CLSTN2: variants seen among roughly 807,000 people sequenced by gnomAD.
CLSTN2 encodes the protein calsyntenin-2.
CLSTN2 carries 48 observed loss-of-function variants against 101.2 expected under a neutral mutation model. The observed-to-expected ratio is 0.47, with a 90% CI of 0.38 to 0.60. The LOEUF is 0.60. Ranked by LOEUF, CLSTN2 falls within the 20% of genes least tolerant of loss-of-function variation. The probability of loss-of-function intolerance (pLI) is 0.00; values close to 1 mark genes in which losing one functional copy is unlikely to be tolerated. For missense variants in CLSTN2, 1,160 were observed against 1,238.2 expected (o/e 0.94, Z 0.95); for synonymous variants, 481 against 463.6 (o/e 1.04, Z -0.48).
At chr3:140,154,148 A>G (rs1054312154) in intron 1 of CLSTN2, among the ~76,000 whole-genome samples, 1 of 152,124 alleles carries the variant, frequency 6.6e-6, no homozygotes, top group Non-Finnish European at 1.5e-5. Flanking sequence ...TTTTGAGAGG[A>G]TCAGTTGTGG....
At chr3:140,530,078 G>A (rs952403432) in intron 8 of CLSTN2, among the ~76,000 whole-genome samples, 1 of 152,026 alleles carries the variant, frequency 6.6e-6, no homozygotes, top group African/African-American at 2.4e-5. Context: ...CCATTTCCAG[G>A]AATCTTTCCT....
chr3:140,473,878 C>T (rs1041137405), intron 8 of CLSTN2, among the ~76,000 whole-genome samples: 5 of 152,128 alleles, frequency 3.3e-5, no homozygotes, highest in African/African-American at 1.2e-4. Flanking sequence ...CTGCCTCAGC[C>T]TCCTGAGTAG....
At chr3:140,090,266 T>C (rs1490936076) in intron 1 of CLSTN2, among the ~76,000 whole-genome samples, 7 of 151,972 alleles carry the variant, frequency 4.6e-5, no homozygotes, top group Non-Finnish European at 8.8e-5. Flanking sequence ...TTGTGGTTTA[T>C]GGTCATGCTG....
At chr3:139,974,597 C>T (rs1224548258) in intron 1 of CLSTN2, among the ~76,000 whole-genome samples, 7 of 152,154 alleles carry the variant, frequency 4.6e-5, no homozygotes, top group Non-Finnish European at 5.9e-5. Context: ...TGTTTTACAG[C>T]ATATGTTGCA....
chr3:140,527,415 A>C (rs950409791), intron 8 of CLSTN2, among the ~76,000 whole-genome samples: 3 of 152,206 alleles, frequency 2.0e-5, no homozygotes, highest in African/African-American at 4.8e-5. Context: ...AATTATTAAA[A>C]AATCAAAAAT....
chr3:140,252,840 A>G (rs1276800000), intron 2 of CLSTN2, among the ~76,000 whole-genome samples: 1 of 152,044 alleles, frequency 6.6e-6, no homozygotes, highest in East Asian at 1.9e-4. Context: ...GGATAGGTGG[A>G]GCAGCTGAGA....
At chr3:140,519,247 A>T (rs1417247898) in intron 8 of CLSTN2, among the ~76,000 whole-genome samples, 4 of 152,222 alleles carry the variant, frequency 2.6e-5, no homozygotes, top group Non-Finnish European at 5.9e-5. Flanking sequence ...TTTCACTTCG[A>T]TTATGTGATC....
intron 5 of CLSTN2, among the ~76,000 whole-genome samples, chr3:140,432,458 C>T (rs893727444): frequency 2.0e-5 from 3 of 152,156 alleles, no homozygotes; most frequent in South Asian, 2.1e-4. Context: ...ACTGCAGCAG[C>T]GTGACCCCAG....
chr3:140,234,416 A>G (rs540491947), intron 2 of CLSTN2, among the ~76,000 whole-genome samples: 1 of 152,230 alleles, frequency 6.6e-6, no homozygotes, highest in African/African-American at 2.4e-5. Flanking sequence ...GAACTGGAAC[A>G]AAATAAAAAA....
rs956497741 is a variant in CLSTN2, at chr3:140,532,621, G to A, written c.1507+135G>A. The A allele has an allele frequency of 5.0e-6, 3 of 603,410 alleles. No homozygotes were observed. In the African/African-American group the frequency reaches 5.5e-5, roughly 11 times the overall value. The allele number at this position is 603,410 out of a possible 1,614,324, so 37.4% of individuals were successfully genotyped here. A position where few individuals can be genotyped will look rare whatever the true frequency, so the allele number is the denominator to read the frequency against. Reference sequence around the variant, plus strand: ...CTACCCCTTACAAAAAAAAATTCAAGACATATAAAAATAAGTATAAATCTA... The same window carrying A: ...CTACCCCTTACAAAAAAAAATTCAAAACATATAAAAATAAGTATAAATCTA... On this transcript the variant is annotated intron_variant, in intron 9 of 16. Transcript: ENST00000458420.
chr3:140,311,140 C>T (rs1576510141), intron 2 of CLSTN2, among the ~76,000 whole-genome samples: 2 of 151,828 alleles, frequency 1.3e-5, no homozygotes, highest in East Asian at 1.9e-4. Context: ...TAGTAAGAGG[C>T]TACTTACTGA....
At chr3:140,510,156 A>C (rs189273818) in intron 8 of CLSTN2, among the ~76,000 whole-genome samples, 8 of 152,226 alleles carry the variant, frequency 5.3e-5, no homozygotes, top group Non-Finnish European at 1.2e-4. Context: ...CAATGGTTAT[A>C]TTAGTACTCA....
intron 1 of CLSTN2, among the ~76,000 whole-genome samples, chr3:139,950,130 A>T (rs768108472): frequency 3.3e-5 from 5 of 152,188 alleles, no homozygotes; most frequent in Non-Finnish European, 7.3e-5. Context: ...CAAAATGAAC[A>T]AACGGGAGTC....
chr3:140,432,369 T>C (rs1027417478), intron 5 of CLSTN2, among the ~76,000 whole-genome samples: 1 of 152,176 alleles, frequency 6.6e-6, no homozygotes, highest in African/African-American at 2.4e-5. Flanking sequence ...GTTCCCTTTA[T>C]CTCAATTTAA....
intron 1 of CLSTN2, among the ~76,000 whole-genome samples, chr3:140,155,590 T>C (rs2009941075): frequency 6.6e-6 from 1 of 152,210 alleles, no homozygotes; most frequent in African/African-American, 2.4e-5. Context: ...GCAGAACATC[T>C]TGTCTTGGCT....
At chr3:140,022,043 A>G (rs542258274) in intron 1 of CLSTN2, among the ~76,000 whole-genome samples, 1 of 152,306 alleles carries the variant, frequency 6.6e-6, no homozygotes, top group Non-Finnish European at 1.5e-5. Flanking sequence ...ATGAAAAAAA[A>G]TGGAAGCTTA....
At position 140,016,767 on chromosome 3, in the gene CLSTN2, C is replaced by G. The variant is rs529526161; in HGVS notation, c.109+81284C>G. Among the ~76,000 whole-genome samples, 23 of 143,752 alleles carry G rather than the reference C, an allele frequency of 1.6e-4. No individual in the cohort carries two copies. In the South Asian group the frequency reaches 2.2e-3, roughly 14 times the overall value. 94.3% of individuals were successfully genotyped at this position (143,752 alleles called of 152,430 possible). Reference sequence around the variant, plus strand: ...TGAGCCGAGATCATACTACTGCACTCCAGCCTGGTGACAGAGTGAGACTCT... The same window carrying G: ...TGAGCCGAGATCATACTACTGCACTGCAGCCTGGTGACAGAGTGAGACTCT... On this transcript the variant is annotated intron_variant, in intron 1 of 16. Transcript: ENST00000458420.
At chr3:140,141,689 G>A (rs2009699509) in intron 1 of CLSTN2, among the ~76,000 whole-genome samples, 1 of 152,142 alleles carries the variant, frequency 6.6e-6, no homozygotes, top group Non-Finnish European at 1.5e-5. Context: ...ATCTTATGCT[G>A]CCCGGGAACC....
At chr3:140,379,767 G>T (rs1325679970) in intron 2 of CLSTN2, among the ~76,000 whole-genome samples, 1 of 152,094 alleles carries the variant, frequency 6.6e-6, no homozygotes, top group Admixed American at 6.5e-5. Context: ...AGCTTGTAGG[G>T]TGTCTTTAAT....
Sources: gnomAD v4.1 joint callset for allele counts (sites outside exome capture counted in the v4.1 genomes callset) on GRCh38, gnomAD v4.1.1 for gene constraint, MANE v1.5 for transcripts, NCBI Gene and HGNC (gene_info 2026-07-23, HGNC 2026-07-21) for gene names.